ANKLE2: variants seen among roughly 807,000 people sequenced by gnomAD.
ANKLE2 encodes ankyrin repeat and LEM domain-containing protein 2.
In ANKLE2, 55 loss-of-function variants were observed where a neutral mutation model predicts 84.2. That is an observed-to-expected ratio of 0.65 (90% confidence interval 0.53 to 0.82). ANKLE2 has a LOEUF of 0.82. ANKLE2 is among the 40% of genes least tolerant of loss of function. ANKLE2 has a pLI of 0.00. For missense variants in ANKLE2, 1,238 were observed against 1,201.9 expected, an observed-to-expected ratio of 1.03 and a Z score of -0.44; for synonymous variants, 551 against 486.1, an observed-to-expected ratio of 1.13 and a Z score of -1.76.
intron 1 of ANKLE2, chr12:132,758,206 T>C (rs1373532515): frequency 1.3e-5 from 2 of 152,230 alleles, no homozygotes; most frequent in South Asian, 2.1e-4. Flanking sequence ...GGTCAGGTGT[T>C]TGAGACCAGC....
Position 132,734,567 on chromosome 12 carries a change from G to A in ANKLE2, c.1709C>T (p.Ala570Val). Residue 570 changes from alanine to valine, a missense_variant, in exon 10 of 13, where the codon GCT becomes GTT. Around this residue, in one of 3 missense-constraint regions of ANKLE2, gnomAD observed 802 missense variants for 774.5 expected, o/e 1.04. Transcript: ENST00000357997. Reference sequence around the variant, plus strand: ...AACCCAGGGATACCCCAGCTCATGAGCTAGCTCCCTGTAAGAAACAAAACA... The same window carrying A: ...AACCCAGGGATACCCCAGCTCATGAACTAGCTCCCTGTAAGAAACAAAACA... ...RGFERVGREL[A>V]HELGYPWVEY... 1 of 1,606,850 alleles carries A rather than the reference G, an allele frequency of 6.2e-7. No homozygotes were observed. Among genetic ancestry groups the A allele is most frequent in the East Asian group, 2.2e-5 (1 of 44,804 alleles).
chr12:132,748,076 G>A, intron 4 of ANKLE2, 56 bp from the exon 5 acceptor site: 3 of 1,605,050 alleles, frequency 1.9e-6, no homozygotes, highest in Non-Finnish European at 1.7e-6. Context: ...CACGCCCTGT[G>A]CGAGTGCTGC....
intron 6 of ANKLE2, 46 bp from the exon 7 acceptor site, chr12:132,741,531 T>C (rs1306168472): frequency 6.5e-7 from 1 of 1,539,630 alleles, no homozygotes; most frequent in East Asian, 2.2e-5. Flanking sequence ...ATCGCAACAT[T>C]TCCTTATCAT....
intron 12 of ANKLE2, 48 bp downstream of exon 12, chr12:132,727,984 T>C: frequency 6.4e-7 from 1 of 1,565,890 alleles, no homozygotes. Context: ...CCTGCAGAAG[T>C]TTCCAAAAGC....
chr12:132,747,032 T>G (rs1001555028), intron 5 of ANKLE2, among the ~76,000 whole-genome samples: 8 of 152,212 alleles, frequency 5.3e-5, no homozygotes, highest in African/African-American at 1.9e-4. Flanking sequence ...CTGCCTTGCA[T>G]GGGCCTGGCC....
chr12:132,746,911 G>T (rs924912337), intron 5 of ANKLE2, among the ~76,000 whole-genome samples: 4 of 152,164 alleles, frequency 2.6e-5, no homozygotes, highest in African/African-American at 9.6e-5. Flanking sequence ...AGCTCCCCTG[G>T]CTCCCTACTC....
intron 12 of ANKLE2, among the ~76,000 whole-genome samples, chr12:132,727,750 T>C (rs2043739362): frequency 7.2e-6 from 1 of 138,090 alleles, no homozygotes; most frequent in African/African-American, 2.6e-5. Flanking sequence ...AGAGTCAAGC[T>C]CATGGGGGTT....
At chr12:132,761,479 C>T in intron 1 of ANKLE2, 139 bp downstream of exon 1, 7 of 760,862 alleles carry the variant, frequency 9.2e-6, no homozygotes, top group Non-Finnish European at 1.1e-5. Flanking sequence ...TGGCCTTTCC[C>T]GACCGGCCCT....
chr12:132,736,202 G>A (rs1446495737), intron 8 of ANKLE2, among the ~76,000 whole-genome samples: 4 of 152,146 alleles, frequency 2.6e-5, no homozygotes, highest in Non-Finnish European at 5.9e-5. Flanking sequence ...CACCCGCCTC[G>A]GCCTCCCAAA....
rs116572152 is a variant in ANKLE2, at chr12:132,751,913, A to G, written c.641-1064T>C. ...AATCCTGATTATATAAAAATATTAAAGCTCTGTAGTGGAACTATCACAATT... is the reference window on the plus strand; with the variant it reads ...AATCCTGATTATATAAAAATATTAAGGCTCTGTAGTGGAACTATCACAATT... On this transcript the variant is annotated intron_variant, in intron 2 of 12. Transcript: ENST00000357997. Among the ~76,000 whole-genome samples, 482 of 152,344 alleles carry G rather than the reference A, an allele frequency of 3.2e-3. 4 individuals are homozygous for G. The highest frequency in any genetic ancestry group is 0.011 in the African/African-American group (468 of 41,586).
intron 1 of ANKLE2, chr12:132,760,586 T>C (rs1054025638): frequency 2.0e-5 from 3 of 152,148 alleles, no homozygotes; most frequent in Non-Finnish European, 4.4e-5. Context: ...CTCACAGACA[T>C]GTTTTACTTA....
In ANKLE2 at chr12:132,737,104, C is replaced by T. The variant is rs913507819; in HGVS notation, c.1421-39G>A. 27 of 1,551,224 alleles carry T rather than the reference C, an allele frequency of 1.7e-5. No homozygotes were observed. In the African/African-American group the frequency reaches 2.7e-4, roughly 16 times the overall value. On this transcript the variant is annotated intron_variant, in intron 7 of 12. Coordinates refer to ENST00000357997, the MANE Select transcript of ANKLE2 (RefSeq NM_015114.3). ...CAGGCACTGGCTGCAGGCTTCCGCCCCCTCCGCAGGTCAGGCCTGGGTGAG... is the reference window on the plus strand; with the variant it reads ...CAGGCACTGGCTGCAGGCTTCCGCCTCCTCCGCAGGTCAGGCCTGGGTGAG...
At position 132,761,689 on chromosome 12, in the gene ANKLE2, G is replaced by C. The variant is rs922629529; in HGVS notation, c.110C>G (p.Pro37Arg). 147 of 1,346,042 alleles carry C rather than the reference G, an allele frequency of 1.1e-4. No homozygotes were observed. In the African/African-American group the frequency reaches 2.1e-3, roughly 19 times the overall value. The allele number at this position is 1,346,042 out of a possible 1,614,324, so 83.4% of individuals were successfully genotyped here. A position where few individuals can be genotyped will look rare whatever the true frequency, so the allele number is the denominator to read the frequency against. Reference protein sequence around the residue: ...AVRWLVRRLGPRPGGLGRSGT... With the variant: ...AVRWLVRRLGRRPGGLGRSGT... ...GCTGCGGCCCAGACCTCCCGGCCGCGGGCCCAGCCGCCGCACCAGCCACCG... is the reference window on the plus strand; with the variant it reads ...GCTGCGGCCCAGACCTCCCGGCCGCCGGCCCAGCCGCCGCACCAGCCACCG... Residue 37 changes from proline to arginine, a missense_variant, in exon 1 of 13, where the codon CCG becomes CGG. Coordinates refer to ENST00000357997, the MANE Select transcript of ANKLE2 (RefSeq NM_015114.3).
chr12:132,730,626 T>G, intron 10 of ANKLE2: 1 of 276,812 alleles, frequency 3.6e-6, no homozygotes, highest in East Asian at 5.6e-5. Flanking sequence ...AGTTCAAGAC[T>G]GCCTGGGCAA....
chr12:132,737,310 A>G, intron 7 of ANKLE2: 1 of 418,036 alleles, frequency 2.4e-6, no homozygotes, highest in Non-Finnish European at 4.3e-6. Flanking sequence ...CCACTGCTAC[A>G]AGAAAAGAAA....
Position 132,737,061 on chromosome 12 carries a change from G to A in ANKLE2, c.1425C>T (p.His475=), listed in dbSNP as rs1425782950. The A allele has an allele frequency of 6.3e-7, 1 of 1,593,294 alleles. No homozygotes were observed. The highest frequency in any genetic ancestry group is 2.3e-5 in the East Asian group (1 of 44,386). The change falls in exon 8 of 13, where the codon CAC becomes CAT. Residue 475 remains histidine, a synonymous_variant. Coordinates refer to ENST00000357997, the MANE Select transcript of ANKLE2 (RefSeq NM_015114.3). The part of the protein sequence containing the change: ...KERIREYLKG[H]YYVPLLRAEE... ...CCGCTCTCAGGAGGGGCACGTAGTA[G>A]TGGCCTGAGGGAGGAGACAGGCACT...
rs569223765 is a variant in ANKLE2, at chr12:132,731,198, A to T, written c.1892-928T>A. The T allele has an allele frequency of 2.0e-5, 3 of 152,340 alleles. No individual in the cohort carries two copies. The South Asian group carries it at 6.2e-4, about 32-fold the overall frequency. 9.4% of individuals were successfully genotyped at this position (152,340 alleles called of 1,614,324 possible). On this transcript the variant is annotated intron_variant, in intron 10 of 12. Transcript: ENST00000357997. ...TTAGGAAATGCCTCAACTTTATTTA[A>T]TATTTACTAATTAAAATGTACATAG...
intron 2 of ANKLE2, among the ~76,000 whole-genome samples, chr12:132,752,718 A>G (rs903471926): frequency 6.6e-6 from 1 of 152,164 alleles, no homozygotes; most frequent in Admixed American, 6.6e-5. Context: ...CATTCTATTC[A>G]TAGTGTTTAA....
At chr12:132,757,349 G>A (rs1388448992) in intron 1 of ANKLE2, 2 of 152,274 alleles carry the variant, frequency 1.3e-5, no homozygotes, top group African/African-American at 4.8e-5. Context: ...GAGAGAGTAA[G>A]CATCTCAGAC....
Sources: gnomAD v4.1 joint callset for allele counts (sites outside exome capture counted in the v4.1 genomes callset) on GRCh38, gnomAD v4.1.1 for gene constraint, gnomAD v4.1.1 regional missense constraint, MANE v1.5 for transcripts, NCBI Gene and HGNC (gene_info 2026-07-23, HGNC 2026-07-21) for gene names.